PTN: variants seen among roughly 807,000 people sequenced by gnomAD.
The protein encoded by PTN is pleiotrophin, also known as heparin affin regulatory protein.
PTN carries 18 observed loss-of-function variants against 24.1 expected under a neutral mutation model. The observed-to-expected ratio is 0.75, with a 90% CI of 0.52 to 1.11. PTN has a LOEUF of 1.11. Ranked by LOEUF, PTN falls within the 50% of genes least tolerant of loss-of-function variation. PTN has a pLI of 0.00. For missense variants in PTN, 163 were observed against 198.8 expected, an observed-to-expected ratio of 0.82 and a Z score of 1.08; for synonymous variants, 78 against 68.6, an observed-to-expected ratio of 1.14 and a Z score of -0.67.
chr7:137,242,977 G>T (rs1013093411), intron 4 of PTN, among the ~76,000 whole-genome samples: 2 of 152,156 alleles, frequency 1.3e-5, no homozygotes, highest in Non-Finnish European at 2.9e-5. Context: ...GTTCTCTGTC[G>T]CCAGGCTAGA....
intron 1 of PTN, among the ~76,000 whole-genome samples, chr7:137,275,755 C>T (rs539056735): frequency 1.3e-5 from 2 of 152,200 alleles, no homozygotes; most frequent in African/African-American, 2.4e-5. Flanking sequence ...AACACAAATC[C>T]ATAATCATTC....
At chr7:137,302,059 C>G (rs564697577) in intron 1 of PTN, among the ~76,000 whole-genome samples, 1 of 152,020 alleles carries the variant, frequency 6.6e-6, no homozygotes, top group East Asian at 1.9e-4. Context: ...TAAAAATTAT[C>G]TGGAAATTTA....
chr7:137,324,433 A>AATATATATATATATATATAT (rs71176396), intron 1 of PTN, among the ~76,000 whole-genome samples: 5 of 88,730 alleles, frequency 5.6e-5, no homozygotes, highest in African/African-American at 2.1e-4. Context: ...AAAAAAAAAA[A>AATATATATATATATATATAT]ATATATATAT....
At chr7:137,261,655 A>G (rs1295535549) in intron 1 of PTN, among the ~76,000 whole-genome samples, 1 of 152,248 alleles carries the variant, frequency 6.6e-6, no homozygotes, top group East Asian at 1.9e-4. Context: ...TTTACGTGAC[A>G]TGGGAGCATT....
At chr7:137,333,467 CA>C (rs1810394456) in intron 1 of PTN, among the ~76,000 whole-genome samples, 1 of 152,102 alleles carries the variant, frequency 6.6e-6, no homozygotes, top group Admixed American at 6.6e-5. Context: ...GACTCTGAAG[CA>C]AAAAGCCCTG....
At chr7:137,243,196 A>G (rs1808662501) in intron 4 of PTN, among the ~76,000 whole-genome samples, 1 of 152,056 alleles carries the variant, frequency 6.6e-6, no homozygotes, top group Non-Finnish European at 1.5e-5. Context: ...CAGCCTCCCA[A>G]AGTGCTGGGA....
chr7:137,261,258 G>A (rs1809033322), intron 1 of PTN, among the ~76,000 whole-genome samples: 2 of 152,016 alleles, frequency 1.3e-5, no homozygotes, highest in African/African-American at 4.8e-5. Flanking sequence ...CACTAGGGAT[G>A]CTCAGCTTCA....
chr7:137,258,576 AAAAGAAG>A lies in PTN; in HGVS notation c.-1-3609_-1-3603del, dbSNP rs761018122. On this transcript the variant is annotated intron_variant, in intron 1 of 4. Transcript: ENST00000348225. ...TAGAGAAAATGAATAAAGGTTATTT[AAAAGAAG>A]AGAGTAAAGAGTTTTAAAAATGCAA... Among the ~76,000 whole-genome samples the A allele has an allele frequency of 4.3e-3, 652 of 152,304 alleles. 2 individuals are homozygous for A. The highest frequency in any genetic ancestry group is 0.023 in the South Asian group (113 of 4,826).
At chr7:137,329,993 A>G (rs1810323127) in intron 1 of PTN, among the ~76,000 whole-genome samples, 2 of 152,208 alleles carry the variant, frequency 1.3e-5, no homozygotes, top group South Asian at 4.1e-4. Context: ...CCACATGAAA[A>G]TAATGCCAGT....
chr7:137,253,365 T>C, intron 3 of PTN, 99 bp downstream of exon 3: 2 of 1,268,278 alleles, frequency 1.6e-6, no homozygotes, highest in Non-Finnish European at 2.1e-6. Context: ...AAGATAAAGT[T>C]ATTTAAAATA....
chr7:137,291,586 T>C (rs1157715723), intron 1 of PTN, among the ~76,000 whole-genome samples: 1 of 152,036 alleles, frequency 6.6e-6, no homozygotes, highest in Non-Finnish European at 1.5e-5. Flanking sequence ...TCATTGTCCT[T>C]GACCACCAGT....
At chr7:137,330,233 C>T (rs573907589) in intron 1 of PTN, among the ~76,000 whole-genome samples, 2 of 151,992 alleles carry the variant, frequency 1.3e-5, no homozygotes, top group South Asian at 4.2e-4. Flanking sequence ...TTGCAGTGAG[C>T]TGAAATCGTG....
chr7:137,341,121 T>G (rs1053802905), intron 1 of PTN, among the ~76,000 whole-genome samples: 1 of 152,104 alleles, frequency 6.6e-6, no homozygotes, highest in East Asian at 1.9e-4. Context: ...GAGAATGCCA[T>G]GTAAGTGAGA....
chr7:137,230,656 A>G (rs1400327792), intron 4 of PTN, among the ~76,000 whole-genome samples: 1 of 151,764 alleles, frequency 6.6e-6, no homozygotes, highest in South Asian at 2.1e-4. Context: ...TGTACATTCA[A>G]CTGAAAGACT....
intron 1 of PTN, among the ~76,000 whole-genome samples, chr7:137,257,164 AT>A (rs1217975323): frequency 6.6e-6 from 1 of 152,174 alleles, no homozygotes; most frequent in South Asian, 2.1e-4. Flanking sequence ...TTGAACCTTA[AT>A]TTTTTCCCTG....
intron 1 of PTN, among the ~76,000 whole-genome samples, chr7:137,264,418 C>T (rs1277196166): frequency 1.3e-5 from 2 of 152,158 alleles, no homozygotes; most frequent in African/African-American, 2.4e-5. Context: ...ATGAGTCCCG[C>T]GATGAGTTTC....
At chr7:137,315,055 A>C (rs1441996347) in intron 1 of PTN, among the ~76,000 whole-genome samples, 1 of 152,218 alleles carries the variant, frequency 6.6e-6, no homozygotes, top group African/African-American at 2.4e-5. Context: ...GGTAGCCAGC[A>C]CAAGGTCAGG....
At chr7:137,308,121 A>G (rs546134807) in intron 1 of PTN, among the ~76,000 whole-genome samples, 1 of 152,258 alleles carries the variant, frequency 6.6e-6, no homozygotes, top group East Asian at 1.9e-4. Flanking sequence ...TACGGCGTGA[A>G]TCTTTGTCTA....
chr7:137,249,125 C>T (rs1024426054), intron 4 of PTN, among the ~76,000 whole-genome samples: 1 of 151,988 alleles, frequency 6.6e-6, no homozygotes, highest in Non-Finnish European at 1.5e-5. Flanking sequence ...AATCATGTTC[C>T]CTGCTGTGTC....
Sources: gnomAD v4.1 joint callset for allele counts (sites outside exome capture counted in the v4.1 genomes callset) on GRCh38, gnomAD v4.1.1 for gene constraint, MANE v1.5 for transcripts, NCBI Gene and HGNC (gene_info 2026-07-23, HGNC 2026-07-21) for gene names.